EFNB2: variants seen among roughly 807,000 people sequenced by gnomAD.
EFNB2 encodes the protein ephrin-B2.
Under a neutral mutation model 32.1 loss-of-function variants are expected in EFNB2, and 5 were observed. The observed-to-expected ratio is 0.16, with a 90% CI of 0.08 to 0.33. EFNB2 has a LOEUF of 0.33. Ranked by LOEUF, EFNB2 falls within the 10% of genes least tolerant of loss-of-function variation. The pLI is 1.00. For synonymous variants in EFNB2, 168 were observed against 166.5 expected (o/e 1.01, Z -0.07); for missense variants, 263 against 422.6 (o/e 0.62, Z 3.31).
chr13:106,505,333 G>A (rs1337652925), intron 2 of EFNB2, among the ~76,000 whole-genome samples: 1 of 152,112 alleles, frequency 6.6e-6, no homozygotes, highest in East Asian at 1.9e-4. Flanking sequence ...AACTAACAAC[G>A]CCGGCCTAAG....
At chr13:106,496,204 GCA>G (rs1169050112) in intron 2 of EFNB2, among the ~76,000 whole-genome samples, 1 of 152,102 alleles carries the variant, frequency 6.6e-6, no homozygotes, top group African/African-American at 2.4e-5. Flanking sequence ...AATAGTTAAT[GCA>G]GCCATTTCCA....
intron 2 of EFNB2, among the ~76,000 whole-genome samples, chr13:106,498,620 C>T (rs1431353561): frequency 6.6e-6 from 1 of 152,088 alleles, no homozygotes; most frequent in Non-Finnish European, 1.5e-5. Context: ...AAGAATGAAA[C>T]TGCTTTGCAC....
At chr13:106,497,113 C>T (rs186533710) in intron 2 of EFNB2, among the ~76,000 whole-genome samples, 5 of 152,256 alleles carry the variant, frequency 3.3e-5, no homozygotes, top group African/African-American at 9.6e-5. Context: ...GTTCTATATG[C>T]ATTTATGGTA....
At chr13:106,507,624 A>T (rs1258374449) in intron 2 of EFNB2, among the ~76,000 whole-genome samples, 1 of 137,694 alleles carries the variant, frequency 7.3e-6, no homozygotes, top group Non-Finnish European at 1.5e-5. Flanking sequence ...ACTCTTTATT[A>T]AAAAAAAAAT....
chr13:106,517,143 CT>C (rs1295813644), intron 1 of EFNB2: 5 of 152,170 alleles, frequency 3.3e-5, no homozygotes, highest in African/African-American at 4.8e-5. Context: ...TTCTCCTATG[CT>C]GACTTTGAAA....
intron 1 of EFNB2, among the ~76,000 whole-genome samples, chr13:106,528,953 G>A (rs1204930897): frequency 6.6e-6 from 1 of 152,104 alleles, no homozygotes; most frequent in Non-Finnish European, 1.5e-5. Flanking sequence ...TCACATTTAC[G>A]AGTAAAATTA....
chr13:106,492,960 C>G lies in EFNB2; in HGVS notation c.*80G>C, dbSNP rs573369301. On this transcript the variant is annotated 3_prime_UTR_variant, in exon 5 of 5. Transcript: ENST00000646441. The surrounding 1 kb of genome is among the most constrained non-coding windows in gnomAD (Gnocchi z 5.1). ...CTGTGCTTCAGTCAATTCTCCAGCACGCGGGCTCTCAAACCCTCAAGGGAG... is the reference window on the plus strand; with the variant it reads ...CTGTGCTTCAGTCAATTCTCCAGCAGGCGGGCTCTCAAACCCTCAAGGGAG... 22 of 1,509,734 alleles carry G rather than the reference C, an allele frequency of 1.5e-5. No homozygotes were observed. The highest frequency in any genetic ancestry group is 5.5e-5 in the African/African-American group (4 of 72,594). The allele number at this position is 1,509,734 out of a possible 1,614,324, so 93.5% of individuals were successfully genotyped here. A position where few individuals can be genotyped will look rare whatever the true frequency, so the allele number is the denominator to read the frequency against.
chr13:106,494,081 T>G lies in EFNB2; in HGVS notation c.614-653A>C, dbSNP rs368808634. ...TGCCTGGCATCATTATATTATCCAT[T>G]TATCAGTTTGTCACAAGAATTTGAC... is the stretch of plus-strand genomic sequence containing the variant. On this transcript the variant is annotated intron_variant, in intron 4 of 4. Coordinates refer to ENST00000646441, the MANE Select transcript of EFNB2 (RefSeq NM_004093.4). 1.4e-4 allele frequency among the ~76,000 whole-genome samples: 22 copies of G among 152,362 alleles called. No homozygotes were observed. In the South Asian group the frequency reaches 4.1e-3, roughly 29 times the overall value.
intron 1 of EFNB2, among the ~76,000 whole-genome samples, chr13:106,523,434 T>C (rs901901709): frequency 6.6e-6 from 1 of 152,186 alleles, no homozygotes; most frequent in African/African-American, 2.4e-5. Flanking sequence ...TATAAGTGAT[T>C]CAAACAAGCA....
At chr13:106,520,026 A>C (rs1361703666) in intron 1 of EFNB2, 1 of 152,192 alleles carries the variant, frequency 6.6e-6, no homozygotes, top group Non-Finnish European at 1.5e-5. Flanking sequence ...TGTTTACTCA[A>C]ATAAGTGAAA....
chr13:106,510,024 C>G (rs936042216), intron 2 of EFNB2: 3 of 152,174 alleles, frequency 2.0e-5, no homozygotes, highest in East Asian at 1.9e-4. Flanking sequence ...AAGCAACATT[C>G]AAATAGCCTC....
At chr13:106,531,227 A>T (rs1398848856) in intron 1 of EFNB2, among the ~76,000 whole-genome samples, 1 of 152,228 alleles carries the variant, frequency 6.6e-6, no homozygotes, top group East Asian at 1.9e-4. Context: ...GTCCCTAGAC[A>T]CATGATTCTC....
intron 1 of EFNB2, chr13:106,519,402 G>C: frequency 6.6e-6 from 1 of 152,110 alleles, no homozygotes; most frequent in Non-Finnish European, 1.5e-5. Context: ...ATGGATGCTG[G>C]TGCAAGTGTG....
chr13:106,508,764 C>T (rs1457736448), intron 2 of EFNB2, among the ~76,000 whole-genome samples: 6 of 152,146 alleles, frequency 3.9e-5, no homozygotes, highest in Admixed American at 3.9e-4. Flanking sequence ...AATTTTGCCA[C>T]AAGTTAAAAA....
In EFNB2 at chr13:106,490,253, A is replaced by T. The variant is rs1467601626; in HGVS notation, c.*2787T>A. On this transcript the variant is annotated 3_prime_UTR_variant, in exon 5 of 5. Transcript: ENST00000646441. ...TGAATAAGGCTACTGTAACACCCCA[A>T]ATCCATAGACAGTAAAATCTGAACC... 1 of 152,302 alleles carries T rather than the reference A, an allele frequency of 6.6e-6. No homozygotes were observed. 9.4% of individuals were successfully genotyped at this position (152,302 alleles called of 1,614,324 possible).
rs1381669991 is a variant in EFNB2, at chr13:106,518,573, A to T, written c.123-5761T>A. The stretch of plus-strand genomic sequence containing the variant: ...TGGCACGTTGGGATGTCAAGTCTGG[A>T]CTTTTCTGCTGACCTGTATTGCATT... On this transcript the variant is annotated intron_variant, in intron 1 of 4. Transcript: ENST00000646441. This position sits in a 1 kb window ranked among gnomAD's most constrained non-coding sequence, Gnocchi z 4.1. 3.3e-5 allele frequency: 5 copies of T among 152,154 alleles called. No individual in the cohort carries two copies. The East Asian group carries it at 7.7e-4, about 23-fold the overall frequency. The allele number at this position is 152,154 out of a possible 1,614,324, so 9.4% of individuals were successfully genotyped here.
At position 106,493,032 on chromosome 13, in the gene EFNB2, G is replaced by A. The variant is rs778078295; in HGVS notation, c.*8C>T. On this transcript the variant is annotated 3_prime_UTR_variant, in exon 5 of 5. Coordinates refer to ENST00000646441, the MANE Select transcript of EFNB2 (RefSeq NM_004093.4). This position sits in a 1 kb window ranked among gnomAD's most constrained non-coding sequence, Gnocchi z 6.1. Reference sequence around the variant, plus strand: ...TCTGGGAAAGCACAGGTACCACCAGGGTCCCTCTCAGACCTTGTAGTAAAT... The same window carrying A: ...TCTGGGAAAGCACAGGTACCACCAGAGTCCCTCTCAGACCTTGTAGTAAAT... 1 of 1,597,666 alleles carries A rather than the reference G, an allele frequency of 6.3e-7. No individual in the cohort carries two copies. The highest frequency in any genetic ancestry group is 1.1e-5 in the South Asian group (1 of 89,936).
intron 1 of EFNB2, among the ~76,000 whole-genome samples, chr13:106,513,216 G>A (rs972726065): frequency 9.2e-5 from 14 of 152,246 alleles, no homozygotes; most frequent in African/African-American, 3.4e-4. Context: ...CACAGAGAAA[G>A]CTCGTCAATT....
chr13:106,510,112 T>G (rs1372062062), intron 2 of EFNB2: 1 of 152,186 alleles, frequency 6.6e-6, no homozygotes, highest in Non-Finnish European at 1.5e-5. Context: ...TGCTTTTGCA[T>G]GGTAAATCGT....
Sources: gnomAD v4.1 joint callset for allele counts (sites outside exome capture counted in the v4.1 genomes callset) on GRCh38, gnomAD v4.1.1 for gene constraint, Gnocchi (gnomAD v3.1) non-coding constraint, MANE v1.5 for transcripts, NCBI Gene and HGNC (gene_info 2026-07-23, HGNC 2026-07-21) for gene names.